Variants in ALS2CL observed in about 807,000 individuals in gnomAD.
The protein encoded by ALS2CL is ALS2 C-terminal like.
Under a neutral mutation model 127.9 loss-of-function variants are expected in ALS2CL, and 112 were observed. The observed-to-expected ratio is 0.88, with a 90% CI of 0.75 to 1.02. ALS2CL has a LOEUF of 1.02. Among genes scored for constraint, ALS2CL ranks in the 50% least tolerant of loss-of-function variants. The pLI is 0.00. For missense variants in ALS2CL, 1,174 were observed against 1,236.7 expected (o/e 0.95, Z 0.76); for synonymous variants, 519 against 527.6 (o/e 0.98, Z 0.22).
intron 16 of ALS2CL, 158 bp from the exon 17 acceptor site, chr3:46,677,180 C>T (rs1698922124): frequency 7.7e-6 from 11 of 1,431,644 alleles, no homozygotes; most frequent in Non-Finnish European, 1.0e-5. Context: ...GGGGGCTGAC[C>T]TCCACGGCTC....
chr3:46,671,174 G>T, intron 25 of ALS2CL, 110 bp from the exon 26 acceptor site: 1 of 1,208,976 alleles, frequency 8.3e-7, no homozygotes, highest in Admixed American at 1.8e-5. Context: ...CCCAGAGGAG[G>T]CGTGTCTCCA....
chr3:46,685,614 G>A lies in ALS2CL; in HGVS notation c.697C>T (p.Leu233Phe). ...ACGGGTACGTCCTGGCTGTCCTGAA[G>A]GAGTCTGTGAGCAGGGGTGCAGAGC... ...DVLCTPAHRL[L>F]QDSQDVPVTV... Residue 233 changes from leucine to phenylalanine, a missense_variant, in exon 7 of 26, where the codon CTT (leucine) becomes TTT (phenylalanine). Leu to Phe is a conservative substitution (Grantham distance 22). Coordinates refer to ENST00000318962, the MANE Select transcript of ALS2CL (RefSeq NM_147129.5). 1 of 1,613,980 alleles carries A rather than the reference G, an allele frequency of 6.2e-7. No individual in the cohort carries two copies. Among genetic ancestry groups the A allele is most frequent in the Non-Finnish European group, 8.5e-7 (1 of 1,179,938 alleles).
At chr3:46,671,708 A>G in intron 24 of ALS2CL, 124 bp from the exon 25 acceptor site, 1 of 1,548,122 alleles carries the variant, frequency 6.5e-7, no homozygotes. Context: ...TCCTCACTCT[A>G]CCTCTAGCAC....
intron 20 of ALS2CL, 113 bp from the exon 21 acceptor site, chr3:46,674,852 A>G (rs1211240559): frequency 2.1e-5 from 22 of 1,061,916 alleles, no homozygotes; most frequent in Non-Finnish European, 2.6e-5. Context: ...CCTGGCCTCC[A>G]GCCTCCTCCT....
intron 19 of ALS2CL, 135 bp downstream of exon 19, chr3:46,676,110 C>T: frequency 7.0e-7 from 1 of 1,426,480 alleles, no homozygotes; most frequent in Non-Finnish European, 9.3e-7. Context: ...TCAGCAGCTG[C>T]ACACTGACCA....
At chr3:46,685,087 G>C (rs2106733951) in intron 7 of ALS2CL, among the ~76,000 whole-genome samples, 1 of 152,270 alleles carries the variant, frequency 6.6e-6, no homozygotes, top group Non-Finnish European at 1.5e-5. Flanking sequence ...CTCCTGTAGG[G>C]TACTTTTCTC....
At chr3:46,676,771 C>T in intron 17 of ALS2CL, 33 bp from the exon 18 acceptor site, 1 of 1,612,968 alleles carries the variant, frequency 6.2e-7, no homozygotes, top group Non-Finnish European at 8.5e-7. Context: ...CTCACCCACA[C>T]CTCGGCCCAG....
chr3:46,676,744 C>G lies in ALS2CL; in HGVS notation c.1932-6G>C. The G allele has an allele frequency of 6.2e-7, 1 of 1,613,538 alleles. No homozygotes were observed. ...CACTGTCCTCAGGGTGGGTCCTGGG[C>G]ACCACACACAGCATCCCTCACCCAC... On this transcript the variant is annotated splice_polypyrimidine_tract_variant and splice_region_variant and intron_variant, in intron 17 of 25. Coordinates refer to ENST00000318962, the MANE Select transcript of ALS2CL (RefSeq NM_147129.5).
rs560608602 is a variant in ALS2CL at position 46,691,453 on chromosome 3, C to T, written c.-25-1988G>A. On this transcript the variant is annotated intron_variant, in intron 1 of 25. Transcript: ENST00000318962. Reference sequence around the variant, plus strand: ...CCCTACACTCTCCGGGGGGCCAGCACCATGACCCCAGCCGACACCATACCC... The same window carrying T: ...CCCTACACTCTCCGGGGGGCCAGCATCATGACCCCAGCCGACACCATACCC... Among the ~76,000 whole-genome samples the T allele has an allele frequency of 9.5e-4, 145 of 152,038 alleles. 3 individuals are homozygous for T. The South Asian group carries it at 0.025, about 26-fold the overall frequency.
chr3:46,677,186 G>A lies in ALS2CL; in HGVS notation c.1758-164C>T, dbSNP rs1575418603. Reference sequence around the variant, plus strand: ...CCATGCAGAGGGGGCTGACCTCCACGGCTCCAGGAGGAAGAGCAGCAGAGA... The same window carrying A: ...CCATGCAGAGGGGGCTGACCTCCACAGCTCCAGGAGGAAGAGCAGCAGAGA... On this transcript the variant is annotated intron_variant, in intron 16 of 25. Coordinates refer to ENST00000318962, the MANE Select transcript of ALS2CL (RefSeq NM_147129.5). 2.3e-5 allele frequency: 33 copies of A among 1,428,334 alleles called. 1 individual carries two copies. In the South Asian group the frequency reaches 2.6e-4, roughly 11 times the overall value. The allele number at this position is 1,428,334 out of a possible 1,614,324, so 88.5% of individuals were successfully genotyped here.
intron 16 of ALS2CL, chr3:46,677,532 G>T: frequency 2.5e-6 from 1 of 399,300 alleles, no homozygotes; most frequent in Non-Finnish European, 3.4e-6. Context: ...GCTGGGGCCT[G>T]CCCCTAGGGA....
At chr3:46,677,051 G>T in intron 16 of ALS2CL, 29 bp from the exon 17 acceptor site, 2 of 1,572,280 alleles carry the variant, frequency 1.3e-6, no homozygotes, top group South Asian at 1.2e-5. Context: ...GTGGGTGATG[G>T]GGCAGAGAGA....
At chr3:46,675,814 T>C (rs1433083257) in intron 19 of ALS2CL, 128 bp from the exon 20 acceptor site, 1 of 1,515,734 alleles carries the variant, frequency 6.6e-7, no homozygotes, top group Non-Finnish European at 8.8e-7. Context: ...GGGTTCATCC[T>C]CTCAAACCAC....
Position 46,675,907 on chromosome 3 carries a change from G to T in ALS2CL, c.2187-221C>A, listed in dbSNP as rs1279108852. The T allele has an allele frequency of 2.1e-6, 3 of 1,432,168 alleles. No individual in the cohort carries two copies. In the Admixed American group the frequency reaches 8.4e-5, roughly 40 times the overall value. The allele number at this position is 1,432,168 out of a possible 1,614,324, so 88.7% of individuals were successfully genotyped here. On this transcript the variant is annotated intron_variant, in intron 19 of 25. Coordinates refer to ENST00000318962, the MANE Select transcript of ALS2CL (RefSeq NM_147129.5). ...ACTATAGCATCTAAGGCTTCTATTTGCAGTGTTTCATGGGGTCACAGCCCA... is the reference window on the plus strand; with the variant it reads ...ACTATAGCATCTAAGGCTTCTATTTTCAGTGTTTCATGGGGTCACAGCCCA...
intron 25 of ALS2CL, 56 bp downstream of exon 25, chr3:46,671,432 G>T: frequency 1.2e-6 from 2 of 1,609,530 alleles, no homozygotes; most frequent in Non-Finnish European, 1.7e-6. Flanking sequence ...AAGGGAAAAG[G>T]GTCTGCCCCA....
At chr3:46,675,522 C>T (rs971589874) in intron 20 of ALS2CL, 96 bp downstream of exon 20, 2 of 1,194,162 alleles carry the variant, frequency 1.7e-6, no homozygotes, top group Admixed American at 1.8e-5. Flanking sequence ...CCCAGCACTT[C>T]CCCAGAAGCA....
In ALS2CL at chr3:46,686,424, C is replaced by G; in HGVS notation, c.550G>C (p.Glu184Gln). 1.9e-6 allele frequency: 3 copies of G among 1,613,278 alleles called. No homozygotes were observed. Among genetic ancestry groups the G allele is most frequent in the Non-Finnish European group, 2.5e-6 (3 of 1,179,684 alleles). The change falls in exon 6 of 26, where the codon GAG (glutamate) becomes CAG (glutamine). Residue 184 changes from glutamate to glutamine, a missense_variant. Transcript: ENST00000318962. The surrounding 1 kb of genome is among the most constrained non-coding windows in gnomAD (Gnocchi z 4.3). ...DTIGEHHPTRELVVNAVTLFG... is the reference protein window; with the variant it reads ...DTIGEHHPTRQLVVNAVTLFG... ...AGGGTGACTGCGTTCACCACCAGCT[C>G]CCGGGTTGGGTGATGCTGAAGGGGG...
chr3:46,683,832 G>C lies in ALS2CL; in HGVS notation c.862C>G (p.Leu288Val). Residue 288 changes from leucine to valine, a missense_variant, in exon 9 of 26, where the codon CTC (leucine) becomes GTC (valine). Leu to Val is a conservative substitution (Grantham distance 32, BLOSUM62 1). Transcript: ENST00000318962. ...AAGGAGAACTCTTCTTCGGGCGTGA[G>C]GAGGTGAAACGTGCACCTAGACAGA... ...PGQDGCTFHL[L>V]TPEEEFSFCA... The C allele has an allele frequency of 6.2e-7, 1 of 1,614,220 alleles. No homozygotes were observed. Among genetic ancestry groups the C allele is most frequent in the South Asian group, 1.1e-5 (1 of 91,082 alleles).
At position 46,683,268 on chromosome 3, in the gene ALS2CL, T is replaced by G; in HGVS notation, c.971A>C (p.Asp324Ala). 1 of 1,608,806 alleles carries G rather than the reference T, an allele frequency of 6.2e-7. No individual in the cohort carries two copies. Among genetic ancestry groups the G allele is most frequent in the Admixed American group, 1.7e-5 (1 of 59,434 alleles). ...AVHQALHGKKDFPVLGAGLEP... is the reference protein window; with the variant it reads ...AVHQALHGKKAFPVLGAGLEP... ...CAGGCCAGCCCCCAGCACGGGGAAG[T>G]CCTTCTTCCCATGCAGGGCCTGGTG... Residue 324 changes from aspartate to alanine, a missense_variant, in exon 10 of 26, where the codon GAC (aspartate) becomes GCC (alanine). By Grantham distance (126) the Asp-to-Ala change is moderately radical. Transcript: ENST00000318962.
Sources: allele counts gnomAD v4.1 joint callset (sites outside exome capture counted in the v4.1 genomes callset), GRCh38; gene constraint gnomAD v4.1.1; non-coding constraint Gnocchi (gnomAD v3.1); transcripts MANE v1.5; gene names NCBI Gene and HGNC (gene_info 2026-07-23, HGNC 2026-07-21).